Variants in PALLD observed in about 807,000 individuals in gnomAD.
PALLD encodes palladin.
Under a neutral mutation model 123.5 loss-of-function variants are expected in PALLD, and 61 were observed. The ratio of observed to expected loss-of-function variants is 0.49; its 90% confidence interval spans 0.40 to 0.61. The LOEUF (loss-of-function observed/expected upper bound fraction) is 0.61. PALLD is among the 20% of genes least tolerant of loss of function. The pLI is 0.00. For missense variants in PALLD, 1,273 were observed against 1,377.0 expected, an observed-to-expected ratio of 0.92 and a Z score of 1.20; for synonymous variants, 465 against 496.4, an observed-to-expected ratio of 0.94 and a Z score of 0.84.
intron 10 of PALLD, among the ~76,000 whole-genome samples, chr4:168,741,715 GGA>G (rs143187290): frequency 1.3e-5 from 2 of 151,146 alleles, no homozygotes; most frequent in Non-Finnish European, 1.5e-5. Flanking sequence ...AAGAATGGTT[GGA>G]GAGAGAGAGA....
At chr4:168,515,009 G>A (rs1762863055) in intron 2 of PALLD, among the ~76,000 whole-genome samples, 1 of 152,148 alleles carries the variant, frequency 6.6e-6, no homozygotes, top group African/African-American at 2.4e-5. Flanking sequence ...GTCCAAACTT[G>A]ACAAATTATG....
chr4:168,818,645 T>C (rs373109130), intron 10 of PALLD, among the ~76,000 whole-genome samples: 29 of 152,324 alleles, frequency 1.9e-4, no homozygotes, highest in East Asian at 1.5e-3. Flanking sequence ...CTTCTCAGTA[T>C]TTGCCCTGAG....
intron 2 of PALLD, among the ~76,000 whole-genome samples, chr4:168,624,784 T>C (rs1775079074): frequency 6.6e-6 from 1 of 152,144 alleles, no homozygotes; most frequent in African/African-American, 2.4e-5. Flanking sequence ...AGCTAGAAGA[T>C]GTAATGAGAG....
At chr4:168,677,639 A>C (rs1224040306) in intron 3 of PALLD, among the ~76,000 whole-genome samples, 6 of 151,798 alleles carry the variant, frequency 4.0e-5, no homozygotes, top group African/African-American at 7.3e-5. Flanking sequence ...CCCTTCTCCT[A>C]AATGCTTTTA....
intron 10 of PALLD, among the ~76,000 whole-genome samples, chr4:168,847,544 G>A (rs1747053505): frequency 6.6e-6 from 1 of 152,192 alleles, no homozygotes; most frequent in South Asian, 2.1e-4. Context: ...TAAAGGTTCT[G>A]GAAAGATAGC....
At chr4:168,698,089 T>C (rs1160849232) in intron 8 of PALLD, among the ~76,000 whole-genome samples, 1 of 152,122 alleles carries the variant, frequency 6.6e-6, no homozygotes, top group Non-Finnish European at 1.5e-5. Context: ...GAACTGGAGC[T>C]CATTATGTTA....
At chr4:168,692,274 C>A (rs950633311) in intron 8 of PALLD, among the ~76,000 whole-genome samples, 1 of 152,060 alleles carries the variant, frequency 6.6e-6, no homozygotes, top group Non-Finnish European at 1.5e-5. Context: ...AGAGTTTGAC[C>A]CTATTAGGAT....
intron 10 of PALLD, among the ~76,000 whole-genome samples, chr4:168,847,136 T>C (rs994151848): frequency 4.6e-5 from 7 of 152,154 alleles, no homozygotes; most frequent in African/African-American, 1.7e-4. Flanking sequence ...CCTAAGAACT[T>C]TTTTGAGGGC....
At chr4:168,783,827 T>A (rs1736295246) in intron 10 of PALLD, among the ~76,000 whole-genome samples, 1 of 152,146 alleles carries the variant, frequency 6.6e-6, no homozygotes, top group Non-Finnish European at 1.5e-5. Flanking sequence ...ACTTTGATGA[T>A]GTAGCTGTAT....
chr4:168,585,664 C>G (rs149740488), intron 2 of PALLD, among the ~76,000 whole-genome samples: 60 of 152,240 alleles, frequency 3.9e-4, no homozygotes, highest in African/African-American at 1.4e-3. Context: ...GCGCTCAGGA[C>G]AGTATGAGGA....
At chr4:168,646,795 G>A (rs1024706472) in intron 2 of PALLD, among the ~76,000 whole-genome samples, 2 of 152,208 alleles carry the variant, frequency 1.3e-5, no homozygotes, top group Non-Finnish European at 2.9e-5. Flanking sequence ...CTTAGAAGAT[G>A]AGGATAGTGT....
chr4:168,499,356 G>C (rs543298257), intron 1 of PALLD, among the ~76,000 whole-genome samples: 3 of 101,298 alleles, frequency 3.0e-5, no homozygotes, highest in Admixed American at 1.0e-4. Context: ...AAGGGAGGGA[G>C]GGGGGAGGGA....
chr4:168,805,718 T>C (rs934193943), intron 10 of PALLD, among the ~76,000 whole-genome samples: 3 of 152,172 alleles, frequency 2.0e-5, no homozygotes, highest in Non-Finnish European at 2.9e-5. Flanking sequence ...TGCTTTGGCC[T>C]TACCTGTTTT....
At chr4:168,670,739 C>CAAAAAAAAAA (rs752284669) in intron 3 of PALLD, among the ~76,000 whole-genome samples, 23 of 45,040 alleles carry the variant, frequency 5.1e-4, no homozygotes, top group South Asian at 7.2e-4. Context: ...GACTCCGTCT[C>CAAAAAAAAAA]AAAAAAACAA....
At chr4:168,656,611 T>TAA in intron 2 of PALLD, among the ~76,000 whole-genome samples, 1 of 152,186 alleles carries the variant, frequency 6.6e-6, no homozygotes, top group Non-Finnish European at 1.5e-5. Flanking sequence ...CCGAAACAGT[T>TAA]ATTATTTATT....
At chr4:168,503,759 T>C (rs563210145) in intron 1 of PALLD, among the ~76,000 whole-genome samples, 19 of 151,680 alleles carry the variant, frequency 1.3e-4, no homozygotes, top group Non-Finnish European at 1.5e-4. Flanking sequence ...TGAGGAATGG[T>C]GAGTGGGCCA....
At chr4:168,898,761 G>C (rs760364385) in intron 14 of PALLD, 47 bp downstream of exon 14, 17 of 1,280,814 alleles carry the variant, frequency 1.3e-5, no homozygotes, top group African/African-American at 2.9e-5. Context: ...TCTGAGGAAA[G>C]GTTTAGCTTC....
At chr4:168,741,793 A>T (rs2150350210) in intron 10 of PALLD, among the ~76,000 whole-genome samples, 1 of 152,340 alleles carries the variant, frequency 6.6e-6, no homozygotes, top group Non-Finnish European at 1.5e-5. Context: ...GCCTCTTCTG[A>T]TGAGGCTCAG....
chr4:168,837,765 AT>A (rs1448133871), intron 10 of PALLD, among the ~76,000 whole-genome samples: 4 of 152,232 alleles, frequency 2.6e-5, no homozygotes, highest in Non-Finnish European at 5.9e-5. Context: ...TTCAACAAAT[AT>A]TTTTGGAGCA....
Sources: gnomAD v4.1 joint callset for allele counts (sites outside exome capture counted in the v4.1 genomes callset) on GRCh38, gnomAD v4.1.1 for gene constraint, MANE v1.5 for transcripts, NCBI Gene and HGNC (gene_info 2026-07-23, HGNC 2026-07-21) for gene names.